Variants in POLDIP3 observed in about 807,000 individuals in gnomAD.
The protein encoded by POLDIP3 is polymerase delta-interacting protein 3.
A neutral mutation model predicts 45.1 loss-of-function variants in POLDIP3; 14 were observed. The observed-to-expected ratio is 0.31, with a 90% CI of 0.20 to 0.49. The LOEUF (loss-of-function observed/expected upper bound fraction) is 0.49. POLDIP3 is among the 20% of genes least tolerant of loss of function. The probability of loss-of-function intolerance (pLI) is 0.99; values close to 1 mark genes in which losing one functional copy is unlikely to be tolerated. For missense variants in POLDIP3, 511 were observed against 538.8 expected, an observed-to-expected ratio of 0.95 and a Z score of 0.51; for synonymous variants, 223 against 205.2, an observed-to-expected ratio of 1.09 and a Z score of -0.74.
At chr22:42,614,194 A>G (rs1447596703) in intron 1 of POLDIP3, among the ~76,000 whole-genome samples, 1 of 152,210 alleles carries the variant, frequency 6.6e-6, no homozygotes, top group Non-Finnish European at 1.5e-5. Context: ...GTTCCCCATC[A>G]GTAAAAGGTG....
intron 8 of POLDIP3, 47 bp downstream of exon 8, chr22:42,587,458 GA>G: frequency 6.5e-7 from 1 of 1,545,260 alleles, no homozygotes; most frequent in Non-Finnish European, 8.9e-7. Flanking sequence ...AGAACAAAAA[GA>G]GATGGACGGA....
intron 1 of POLDIP3, among the ~76,000 whole-genome samples, chr22:42,612,315 G>A (rs1176056094): frequency 5.9e-5 from 9 of 152,146 alleles, no homozygotes; most frequent in African/African-American, 2.2e-4. Context: ...TATTACTCAG[G>A]TTTTATACAT....
chr22:42,614,427 C>T (rs538860799), intron 1 of POLDIP3, among the ~76,000 whole-genome samples: 1 of 152,192 alleles, frequency 6.6e-6, no homozygotes, highest in Non-Finnish European at 1.5e-5. Flanking sequence ...TGGGTGGAGA[C>T]CAGGCAGCGC....
rs565070417 is a variant in POLDIP3 at position 42,614,195 on chromosome 22, G to A, written c.59+604C>T. ...ACTTCCAGCCTCAAGTTCCCCATCA[G>A]TAAAAGGTGGGTAACATGAATAGCT... On this transcript the variant is annotated intron_variant, in intron 1 of 8. Transcript: ENST00000252115. 3.9e-5 allele frequency among the ~76,000 whole-genome samples: 6 copies of A among 152,268 alleles called. No individual in the cohort carries two copies. The South Asian group carries it at 1.0e-3, about 26-fold the overall frequency.
At chr22:42,609,970 T>G (rs910923058) in intron 1 of POLDIP3, among the ~76,000 whole-genome samples, 1 of 152,026 alleles carries the variant, frequency 6.6e-6, no homozygotes, top group Non-Finnish European at 1.5e-5. Context: ...GTCAGGAGTT[T>G]GAGACCAGCC....
At position 42,585,036 on chromosome 22, in the gene POLDIP3, C is replaced by A; in HGVS notation, c.*755G>T. ...GAGGGCTCACAACACAGCCCCCTCCCAGCAAAGACACCCAGAAGGGAAAGA... is the reference window on the plus strand; with the variant it reads ...GAGGGCTCACAACACAGCCCCCTCCAAGCAAAGACACCCAGAAGGGAAAGA... On this transcript the variant is annotated 3_prime_UTR_variant, in exon 9 of 9. Coordinates refer to ENST00000252115, the MANE Select transcript of POLDIP3 (RefSeq NM_032311.5). 2.2e-6 allele frequency: 1 copy of A among 455,550 alleles called. No individual in the cohort carries two copies. The highest frequency in any genetic ancestry group is 1.6e-5 in the South Asian group (1 of 64,472). The allele number at this position is 455,550 out of a possible 1,614,324, so 28.2% of individuals were successfully genotyped here. A position where few individuals can be genotyped will look rare whatever the true frequency, so the allele number is the denominator to read the frequency against.
chr22:42,598,682 C>T (rs1206216585), intron 4 of POLDIP3, among the ~76,000 whole-genome samples: 2 of 152,172 alleles, frequency 1.3e-5, no homozygotes, highest in African/African-American at 4.8e-5. Flanking sequence ...CCGCACCTGG[C>T]CCATATTTCT....
At chr22:42,598,696 A>G (rs965342498) in intron 4 of POLDIP3, among the ~76,000 whole-genome samples, 6 of 152,044 alleles carry the variant, frequency 3.9e-5, no homozygotes, top group Admixed American at 3.9e-4. Flanking sequence ...TATTTCTCTT[A>G]ATTACTAACC....
intron 1 of POLDIP3, among the ~76,000 whole-genome samples, chr22:42,607,149 CCT>C (rs1366894707): frequency 6.6e-6 from 1 of 152,206 alleles, no homozygotes; most frequent in Non-Finnish European, 1.5e-5. Flanking sequence ...CCCCAGTTTC[CCT>C]CTGATGCCGA....
intron 1 of POLDIP3, 45 bp downstream of exon 1, chr22:42,614,754 C>T (rs28446273): frequency 7.5e-6 from 12 of 1,606,684 alleles, no homozygotes; most frequent in African/African-American, 6.7e-5. Flanking sequence ...TCGAGCTCCA[C>T]TAGGCCGAGG....
chr22:42,597,778 CTCTT>C (rs1012698695), intron 4 of POLDIP3: 14 of 425,714 alleles, frequency 3.3e-5, no homozygotes, highest in Non-Finnish European at 6.0e-5. Context: ...GCTTCACGAC[CTCTT>C]TTTTTTTTTT....
At chr22:42,603,455 T>A in intron 1 of POLDIP3, 1 of 330,250 alleles carries the variant, frequency 3.0e-6, no homozygotes, top group Middle Eastern at 9.1e-4. Context: ...ACATGGACAA[T>A]AACTTCCCAA....
In POLDIP3 at chr22:42,585,797, C is replaced by T. The variant is rs145272245; in HGVS notation, c.1260G>A (p.Lys420=). 3.1e-5 allele frequency: 50 copies of T among 1,611,518 alleles called. 2 individuals are homozygous for T. The highest frequency in any genetic ancestry group is 2.2e-4 in the Admixed American group (13 of 59,910). The part of the protein sequence containing the change: ...VTTQPTEFKI[K]L ...GGCTGCCTCACTCCCCTGCTCAAAG[C>T]TTGATTTTGAATTCTGTGGGCTGCG... The change falls in exon 9 of 9, where the codon AAG becomes AAA. Residue 420 remains lysine, a synonymous_variant. Coordinates refer to ENST00000252115, the MANE Select transcript of POLDIP3 (RefSeq NM_032311.5).
intron 3 of POLDIP3, among the ~76,000 whole-genome samples, chr22:42,601,484 T>C (rs1235226494): frequency 4.6e-5 from 7 of 151,930 alleles, no homozygotes; most frequent in African/African-American, 1.2e-4. Context: ...TCTTCTTGGC[T>C]GGGTGTGGTG....
intron 1 of POLDIP3, among the ~76,000 whole-genome samples, chr22:42,605,776 AC>A (rs1926686333): frequency 6.6e-6 from 1 of 152,124 alleles, no homozygotes; most frequent in African/African-American, 2.4e-5. Flanking sequence ...GGACTGGGCT[AC>A]CCTAGGCTTC....
At chr22:42,611,835 C>T (rs1272014968) in intron 1 of POLDIP3, among the ~76,000 whole-genome samples, 2 of 152,164 alleles carry the variant, frequency 1.3e-5, no homozygotes, top group Non-Finnish European at 2.9e-5. Flanking sequence ...TGAGATCATG[C>T]CATTGCACTC....
chr22:42,590,944 T>C (rs908967161), intron 7 of POLDIP3, among the ~76,000 whole-genome samples: 2 of 151,892 alleles, frequency 1.3e-5, no homozygotes, highest in Non-Finnish European at 2.9e-5. Flanking sequence ...CTTGGTGGCG[T>C]GCACCTGTAG....
At chr22:42,607,765 A>G (rs148867399) in intron 1 of POLDIP3, among the ~76,000 whole-genome samples, 25,605 of 138,632 alleles carry the variant, frequency 0.18, 2,823 homozygotes, top group African/African-American at 0.33. Context: ...CCGCGACCCC[A>G]TCTGGGAACT....
rs1925188004 is a variant in POLDIP3 at position 42,584,772 on chromosome 22, A to C, written c.*1019T>G. 2 of 388,268 alleles carry C rather than the reference A, an allele frequency of 5.2e-6. No homozygotes were observed. Among genetic ancestry groups the C allele is most frequent in the Non-Finnish European group, 1.0e-5 (2 of 198,058 alleles). 24.1% of individuals were successfully genotyped at this position (388,268 alleles called of 1,614,324 possible). A position where few individuals can be genotyped will look rare whatever the true frequency, so the allele number is the denominator to read the frequency against. ...TGGGGTCACTCACATAAGTGGGAAC[A>C]AACAGTGCCCCTTGGTGGCAGCTGG... On this transcript the variant is annotated 3_prime_UTR_variant, in exon 9 of 9. Coordinates refer to ENST00000252115, the MANE Select transcript of POLDIP3 (RefSeq NM_032311.5).
Sources: allele counts gnomAD v4.1 joint callset (sites outside exome capture counted in the v4.1 genomes callset), GRCh38; gene constraint gnomAD v4.1.1; transcripts MANE v1.5; gene names NCBI Gene and HGNC (gene_info 2026-07-23, HGNC 2026-07-21).